The following NFIA variants were observed in gnomAD, a reference collection of about 807,000 sequenced individuals.
NFIA encodes nuclear factor 1 A-type.
NFIA carries 8 observed loss-of-function variants against 62.8 expected under a neutral mutation model. The observed-to-expected ratio is 0.13, with a 90% CI of 0.07 to 0.23. The LOEUF (loss-of-function observed/expected upper bound fraction) is 0.23, where lower values mean the gene tolerates loss of function less well. Ranked by LOEUF, NFIA falls within the 10% of genes least tolerant of loss-of-function variation. The probability of loss-of-function intolerance (pLI) is 1.00; values close to 1 mark genes in which losing one functional copy is unlikely to be tolerated. For missense variants in NFIA, 410 were observed against 642.1 expected (o/e 0.64, Z 3.91); for synonymous variants, 235 against 238.1 (o/e 0.99, Z 0.12).
At chr1:61,136,360 G>C (rs1373035262) in intron 2 of NFIA, among the ~76,000 whole-genome samples, 2 of 152,194 alleles carry the variant, frequency 1.3e-5, no homozygotes, top group Non-Finnish European at 2.9e-5. Flanking sequence ...CCACAGCATG[G>C]AGTGTAAGAA....
chr1:61,340,362 T>G (rs1483408817), intron 4 of NFIA, among the ~76,000 whole-genome samples: 1 of 152,098 alleles, frequency 6.6e-6, no homozygotes, highest in East Asian at 1.9e-4. Flanking sequence ...GGATATAGAG[T>G]TGGGGAATTG....
At chr1:61,231,383 G>C (rs1203894752) in intron 2 of NFIA, among the ~76,000 whole-genome samples, 1 of 152,154 alleles carries the variant, frequency 6.6e-6, no homozygotes, top group African/African-American at 2.4e-5. Flanking sequence ...GATATAAATT[G>C]TGTTTATGTT....
At chr1:61,396,996 T>C (rs1245534389) in intron 7 of NFIA, among the ~76,000 whole-genome samples, 1 of 136,286 alleles carries the variant, frequency 7.3e-6, no homozygotes, top group Non-Finnish European at 1.6e-5. Flanking sequence ...AGTGAGACTC[T>C]GTCTCCAAAA....
At chr1:61,164,262 T>C (rs1403067505) in intron 2 of NFIA, among the ~76,000 whole-genome samples, 1 of 152,114 alleles carries the variant, frequency 6.6e-6, no homozygotes, top group Non-Finnish European at 1.5e-5. Context: ...CATATGTATG[T>C]TGAAGGTAGG....
intron 2 of NFIA, among the ~76,000 whole-genome samples, chr1:61,243,879 C>G (rs1358611738): frequency 6.6e-6 from 1 of 152,246 alleles, no homozygotes; most frequent in Admixed American, 6.5e-5. Flanking sequence ...GTTGTAGACA[C>G]AGTCCGTGTT....
intron 2 of NFIA, among the ~76,000 whole-genome samples, chr1:61,142,633 C>T (rs1647615539): frequency 6.6e-6 from 1 of 152,182 alleles, no homozygotes; most frequent in Admixed American, 6.5e-5. Context: ...TTACTTTCTG[C>T]TCTCTAATTC....
chr1:61,341,839 G>A (rs1293288239), intron 4 of NFIA, among the ~76,000 whole-genome samples: 2 of 152,090 alleles, frequency 1.3e-5, no homozygotes, highest in Non-Finnish European at 2.9e-5. Context: ...TTTTAATGGT[G>A]GATATTCATA....
At position 61,456,890 on chromosome 1, in the gene NFIA, G is replaced by A. The variant is rs1272394327; in HGVS notation, c.*1570G>A. ...GCAAGTGATTTTTCTACCAGACAGCGAAGCACCCCTTTGCTTCCCATGCGA... is the reference window on the plus strand; with the variant it reads ...GCAAGTGATTTTTCTACCAGACAGCAAAGCACCCCTTTGCTTCCCATGCGA... On this transcript the variant is annotated 3_prime_UTR_variant, in exon 11 of 11. Transcript: ENST00000403491. 2 of 151,170 alleles carry A rather than the reference G, an allele frequency of 1.3e-5. No homozygotes were observed. The highest frequency in any genetic ancestry group is 2.4e-5 in the African/African-American group (1 of 41,196). 9.4% of individuals were successfully genotyped at this position (151,170 alleles called of 1,614,324 possible).
At chr1:61,146,914 A>G (rs1395746475) in intron 2 of NFIA, among the ~76,000 whole-genome samples, 1 of 152,100 alleles carries the variant, frequency 6.6e-6, no homozygotes, top group Non-Finnish European at 1.5e-5. Flanking sequence ...GTAGGGTGTG[A>G]TGAGGTTGGG....
chr1:61,148,191 A>C (rs1017728104), intron 2 of NFIA, among the ~76,000 whole-genome samples: 1 of 152,210 alleles, frequency 6.6e-6, no homozygotes, highest in Non-Finnish European at 1.5e-5. Flanking sequence ...CATTTGCAAC[A>C]TGAATAGGAG....
intron 2 of NFIA, among the ~76,000 whole-genome samples, chr1:61,172,945 A>G (rs928305094): frequency 1.3e-5 from 2 of 152,230 alleles, no homozygotes; most frequent in African/African-American, 4.8e-5. Flanking sequence ...TTTTATAAGG[A>G]ACTCTTCACG....
At chr1:61,277,404 T>C (rs2100276002) in intron 2 of NFIA, 116 bp from the exon 3 acceptor site, 1 of 873,492 alleles carries the variant, frequency 1.1e-6, no homozygotes, top group Non-Finnish European at 1.8e-6. Context: ...TCATGTCATT[T>C]CTGTAATGTT....
At chr1:61,277,091 G>A (rs1340068413) in intron 2 of NFIA, among the ~76,000 whole-genome samples, 1 of 152,178 alleles carries the variant, frequency 6.6e-6, no homozygotes, top group Admixed American at 6.5e-5. Context: ...TGTTGTTTGG[G>A]TTGCTTTTAT....
At chr1:61,199,542 A>T (rs1272430585) in intron 2 of NFIA, among the ~76,000 whole-genome samples, 1 of 152,090 alleles carries the variant, frequency 6.6e-6, no homozygotes, top group Non-Finnish European at 1.5e-5. Context: ...TTGAACTCAG[A>T]TCCGTTTGAC....
chr1:61,140,965 G>GTGTT (rs1647465111), intron 2 of NFIA, among the ~76,000 whole-genome samples: 1 of 88,632 alleles, frequency 1.1e-5, no homozygotes, highest in African/African-American at 4.3e-5. Flanking sequence ...CCACAGCTGG[G>GTGTT]TTTTTTTTTT....
chr1:61,450,945 A>G (rs1668029245), intron 10 of NFIA, among the ~76,000 whole-genome samples: 1 of 152,198 alleles, frequency 6.6e-6, no homozygotes, highest in Non-Finnish European at 1.5e-5. Context: ...AAGCCTTTTA[A>G]AAAGTTGTTG....
At chr1:61,427,149 G>A (rs1040879061) in intron 10 of NFIA, among the ~76,000 whole-genome samples, 1 of 152,198 alleles carries the variant, frequency 6.6e-6, no homozygotes, top group Non-Finnish European at 1.5e-5. Flanking sequence ...TGAAGCAGGT[G>A]ATTGAGAGAA....
At chr1:61,082,061 T>G, upstream of NFIA, 1 of 1,539,928 alleles carries the variant, frequency 6.5e-7, no homozygotes, top group African/African-American at 1.4e-5. Flanking sequence ...CGCGGAGGTC[T>G]GCAGCGGGGG....
chr1:61,116,384 G>C (rs1473760390), intron 2 of NFIA, among the ~76,000 whole-genome samples: 1 of 152,220 alleles, frequency 6.6e-6, no homozygotes. Flanking sequence ...AGAAAGTTTA[G>C]ATGACCTTAA....
Sources: gnomAD v4.1 joint callset for allele counts (sites outside exome capture counted in the v4.1 genomes callset) on GRCh38, gnomAD v4.1.1 for gene constraint, MANE v1.5 for transcripts, NCBI Gene and HGNC (gene_info 2026-07-23, HGNC 2026-07-21) for gene names.